The following CACNA2D3 variants were observed in gnomAD, a reference collection of about 807,000 sequenced individuals.
CACNA2D3 encodes the protein voltage-dependent calcium channel subunit alpha-2/delta-3.
In CACNA2D3, 60 loss-of-function variants were observed where a neutral mutation model predicts 160.6. That is an observed-to-expected ratio of 0.37 (90% CI 0.30 to 0.46). The LOEUF (loss-of-function observed/expected upper bound fraction) is 0.46, where lower values mean the gene tolerates loss of function less well. Among genes scored for constraint, CACNA2D3 ranks in the 20% least tolerant of loss-of-function variants. The pLI is 1.00. For synonymous variants in CACNA2D3, 558 were observed against 492.9 expected (o/e 1.13, Z -1.75); for missense variants, 1,205 against 1,365.0 (o/e 0.88, Z 1.85).
At chr3:54,308,089 A>C (rs1401067700) in intron 2 of CACNA2D3, among the ~76,000 whole-genome samples, 1 of 152,172 alleles carries the variant, frequency 6.6e-6, no homozygotes, top group African/African-American at 2.4e-5. Flanking sequence ...GCTCTCAACT[A>C]TCCATCTTGC....
chr3:54,274,053 C>T (rs1483329583), intron 2 of CACNA2D3, among the ~76,000 whole-genome samples: 2 of 152,062 alleles, frequency 1.3e-5, no homozygotes, highest in South Asian at 2.1e-4. Context: ...TAGTATACTA[C>T]AGTGTGTCTT....
intron 17 of CACNA2D3, among the ~76,000 whole-genome samples, chr3:54,851,798 A>G (rs1476006514): frequency 6.6e-6 from 1 of 152,276 alleles, no homozygotes; most frequent in Non-Finnish European, 1.5e-5. Flanking sequence ...CAGTGTTTCA[A>G]TATATAATCA....
chr3:54,137,285 T>G (rs1338384357), intron 2 of CACNA2D3, among the ~76,000 whole-genome samples: 1 of 152,202 alleles, frequency 6.6e-6, no homozygotes, highest in East Asian at 1.9e-4. Flanking sequence ...CGTCTGCTTG[T>G]TGAAGCAGTT....
chr3:54,586,974 A>G (rs1482660652), intron 9 of CACNA2D3, among the ~76,000 whole-genome samples: 3 of 152,132 alleles, frequency 2.0e-5, no homozygotes, highest in Non-Finnish European at 4.4e-5. Context: ...AATCTGAATG[A>G]AAACAAAGAT....
rs539047679 is a variant in CACNA2D3 at position 54,530,824 on chromosome 3, C to T, written c.544+27170C>T. Among the ~76,000 whole-genome samples, 62 of 152,268 alleles carry T rather than the reference C, an allele frequency of 4.1e-4. 1 individual carries two copies. The highest frequency in any genetic ancestry group is 1.5e-3 in the African/African-American group (61 of 41,564). On this transcript the variant is annotated intron_variant, in intron 5 of 37. Transcript: ENST00000474759. Reference sequence around the variant, plus strand: ...GAAATCTTCTGTAGGAAATGAACATCTGGGAGATTGTGCTTTGTTGGCTAA... The same window carrying T: ...GAAATCTTCTGTAGGAAATGAACATTTGGGAGATTGTGCTTTGTTGGCTAA...
At chr3:54,929,352 A>G (rs113550382) in intron 27 of CACNA2D3, among the ~76,000 whole-genome samples, 64 of 152,314 alleles carry the variant, frequency 4.2e-4, no homozygotes, top group African/African-American at 1.4e-3. Context: ...ACTTCTGAGG[A>G]CAACCTGGAC....
intron 2 of CACNA2D3, among the ~76,000 whole-genome samples, chr3:54,221,972 C>G (rs1459447371): frequency 6.6e-6 from 1 of 152,054 alleles, no homozygotes; most frequent in African/African-American, 2.4e-5. Context: ...CCTCAGCCTC[C>G]CAAAGTGTTG....
At chr3:54,543,997 G>C (rs1702022952) in intron 5 of CACNA2D3, among the ~76,000 whole-genome samples, 1 of 152,138 alleles carries the variant, frequency 6.6e-6, no homozygotes, top group African/African-American at 2.4e-5. Flanking sequence ...TTGTTGTACT[G>C]TGTAGTTAGC....
Position 54,472,263 on chromosome 3 carries a change from A to G in CACNA2D3, c.382-31229A>G, listed in dbSNP as rs1027410096. On this transcript the variant is annotated intron_variant, in intron 4 of 37. Coordinates refer to ENST00000474759, the MANE Select transcript of CACNA2D3 (RefSeq NM_018398.3). ...TCAACATACACAAATCAATAAATGT[A>G]ATCCATCACATAAACAGAACCAATG... Among the ~76,000 whole-genome samples the G allele has an allele frequency of 6.6e-5, 10 of 152,226 alleles. No homozygotes were observed. The East Asian group carries it at 1.7e-3, about 26-fold the overall frequency.
intron 5 of CACNA2D3, among the ~76,000 whole-genome samples, chr3:54,548,379 G>C (rs1163077731): frequency 6.6e-6 from 1 of 152,196 alleles, no homozygotes; most frequent in African/African-American, 2.4e-5. Flanking sequence ...AAAAGGTTGT[G>C]TTCTACCTGA....
At chr3:54,399,907 C>A (rs1391981569) in intron 4 of CACNA2D3, among the ~76,000 whole-genome samples, 1 of 121,274 alleles carries the variant, frequency 8.2e-6, no homozygotes, top group East Asian at 2.5e-4. Context: ...GCCTCGTTGC[C>A]GCCTTGCAGT....
chr3:54,885,442 C>G (rs779000531), intron 22 of CACNA2D3, 47 bp from the exon 23 acceptor site: 1 of 1,596,568 alleles, frequency 6.3e-7, no homozygotes, highest in South Asian at 1.1e-5. Flanking sequence ...GAAGCAGATG[C>G]TGTAAATATT....
chr3:54,958,621 A>C (rs1184684104), intron 27 of CACNA2D3, among the ~76,000 whole-genome samples: 1 of 152,170 alleles, frequency 6.6e-6, no homozygotes, highest in African/African-American at 2.4e-5. Flanking sequence ...ATTTTCTGGA[A>C]CTAATAGCAA....
At chr3:54,362,438 A>G (rs1490493769) in intron 3 of CACNA2D3, among the ~76,000 whole-genome samples, 1 of 152,172 alleles carries the variant, frequency 6.6e-6, no homozygotes, top group Non-Finnish European at 1.5e-5. Context: ...TTCTGCTTAT[A>G]TAACATCTTA....
intron 35 of CACNA2D3, among the ~76,000 whole-genome samples, chr3:55,071,411 G>C (rs1575462416): frequency 6.6e-6 from 1 of 152,206 alleles, no homozygotes; most frequent in Admixed American, 6.5e-5. Context: ...TATCCATATT[G>C]ATCAGGTTTT....
intron 3 of CACNA2D3, among the ~76,000 whole-genome samples, chr3:54,384,574 A>G (rs9864105): frequency 0.35 from 53,290 of 152,026 alleles, 9,446 homozygotes; most frequent in Admixed American, 0.42. Context: ...GAGTGACCCA[A>G]TGAACGCTTG....
intron 13 of CACNA2D3, among the ~76,000 whole-genome samples, chr3:54,773,364 C>G (rs761055241): frequency 6.6e-6 from 1 of 152,128 alleles, no homozygotes; most frequent in Non-Finnish European, 1.5e-5. Context: ...CAAGACACTG[C>G]TGCATATCAA....
chr3:54,884,840 T>G (rs918218387), intron 21 of CACNA2D3, among the ~76,000 whole-genome samples: 1 of 152,214 alleles, frequency 6.6e-6, no homozygotes, highest in Non-Finnish European at 1.5e-5. Context: ...GGACTACTAT[T>G]CCTGCTTTTC....
At chr3:54,706,712 C>T (rs554124621) in intron 11 of CACNA2D3, among the ~76,000 whole-genome samples, 1 of 152,254 alleles carries the variant, frequency 6.6e-6, no homozygotes, top group African/African-American at 2.4e-5. Context: ...CAGCTTTAGG[C>T]CCTCACTCTC....
Sources: gnomAD v4.1 joint callset for allele counts (sites outside exome capture counted in the v4.1 genomes callset) on GRCh38, gnomAD v4.1.1 for gene constraint, MANE v1.5 for transcripts, NCBI Gene and HGNC (gene_info 2026-07-23, HGNC 2026-07-21) for gene names.